Variants in MEI1 observed in about 807,000 individuals in gnomAD.
The protein encoded by MEI1 is meiosis inhibitor protein 1.
Under a neutral mutation model 146.2 loss-of-function variants are expected in MEI1, and 103 were observed. The observed-to-expected ratio is 0.70, with a 90% CI of 0.60 to 0.83. The LOEUF (loss-of-function observed/expected upper bound fraction) is 0.83. Among genes scored for constraint, MEI1 ranks in the 40% least tolerant of loss-of-function variants. The pLI, the probability that MEI1 is intolerant of heterozygous loss-of-function variation, is 0.00. For missense variants in MEI1, 1,529 were observed against 1,533.0 expected (o/e 1.00, Z 0.04); for synonymous variants, 652 against 628.2 (o/e 1.04, Z -0.57).
At chr22:41,787,893 G>C (rs1335729447) in intron 26 of MEI1, among the ~76,000 whole-genome samples, 1 of 152,186 alleles carries the variant, frequency 6.6e-6, no homozygotes, top group Admixed American at 6.5e-5. Context: ...TAGCAGTTGA[G>C]CATTCCTAAT....
At chr22:41,762,343 A>T in intron 18 of MEI1, among the ~76,000 whole-genome samples, 1 of 103,596 alleles carries the variant, frequency 9.7e-6, no homozygotes, top group South Asian at 3.1e-4. Context: ...CCCCTCCCCT[A>T]CTCTACCCTC....
rs770068600 is a variant in MEI1 at position 41,781,407 on chromosome 22, G to A, written c.2926+13G>A. Reference sequence around the variant, plus strand: ...AGTCAGAAAAGAGGTGCAGGGGCCCGGGCTGGGACAGTGAAGAGTGCTGGG... The same window carrying A: ...AGTCAGAAAAGAGGTGCAGGGGCCCAGGCTGGGACAGTGAAGAGTGCTGGG... On this transcript the variant is annotated intron_variant, in intron 23 of 30. Transcript: ENST00000401548. The A allele has an allele frequency of 4.0e-5, 64 of 1,594,896 alleles. 1 individual carries two copies. The East Asian group carries it at 4.3e-4, about 11-fold the overall frequency.
chr22:41,799,322 A>C lies in MEI1; in HGVS notation c.*23A>C. On this transcript the variant is annotated 3_prime_UTR_variant, in exon 31 of 31. Transcript: ENST00000401548. Reference sequence around the variant, plus strand: ...TGATCCTCAGGACTTGAAGGCCCAGAAGTGGAGAGAGAATGAGACCTGGAG... The same window carrying C: ...TGATCCTCAGGACTTGAAGGCCCAGCAGTGGAGAGAGAATGAGACCTGGAG... 1 of 1,612,268 alleles carries C rather than the reference A, an allele frequency of 6.2e-7. No homozygotes were observed. The highest frequency in any genetic ancestry group is 8.5e-7 in the Non-Finnish European group (1 of 1,178,578).
At chr22:41,716,641 G>T (rs900649495) in intron 5 of MEI1, among the ~76,000 whole-genome samples, 1 of 148,904 alleles carries the variant, frequency 6.7e-6, no homozygotes, top group African/African-American at 2.5e-5. Flanking sequence ...CTCCCAAAGT[G>T]CTGGGATTAC....
chr22:41,719,921 T>G (rs916674296), intron 6 of MEI1, among the ~76,000 whole-genome samples: 3 of 152,148 alleles, frequency 2.0e-5, no homozygotes, highest in Non-Finnish European at 2.9e-5. Flanking sequence ...GACAGCAGCT[T>G]CTTTTCAAAA....
chr22:41,713,585 G>C (rs914206724), intron 3 of MEI1, among the ~76,000 whole-genome samples: 3 of 151,544 alleles, frequency 2.0e-5, no homozygotes, highest in Admixed American at 6.6e-5. Flanking sequence ...TTTTGCTCTC[G>C]TTGCCCATGC....
intron 15 of MEI1, 88 bp downstream of exon 15, chr22:41,748,306 G>A (rs1393079050): frequency 1.2e-6 from 1 of 852,572 alleles, no homozygotes; most frequent in Non-Finnish European, 2.0e-6. Flanking sequence ...ATAAGTTGTG[G>A]GTGCACATTT....
rs372766385 is a variant in MEI1 at position 41,740,040 on chromosome 22, G to C, written c.1332-3040G>C. ...ATTTTACTTTTTTTTTGGTGGGGGG[G>C]GTGGAGTCTCGCTCTGTTGCTCAGG... On this transcript the variant is annotated intron_variant, in intron 11 of 30. Transcript: ENST00000401548. Among the ~76,000 whole-genome samples, 3 of 151,614 alleles carry C rather than the reference G, an allele frequency of 2.0e-5. No homozygotes were observed. The Admixed American group carries it at 2.0e-4, about 10-fold the overall frequency.
At chr22:41,702,507 C>T (rs773942244) in intron 1 of MEI1, among the ~76,000 whole-genome samples, 1 of 150,648 alleles carries the variant, frequency 6.6e-6, no homozygotes, top group Non-Finnish European at 1.5e-5. Context: ...AGTGCAATGG[C>T]GCGATCTTGG....
At chr22:41,781,966 A>AC in intron 24 of MEI1, 121 bp downstream of exon 24, 1 of 1,090,562 alleles carries the variant, frequency 9.2e-7, no homozygotes, top group Non-Finnish European at 1.3e-6. Flanking sequence ...CAAGGTATTT[A>AC]CCCTTTCTGA....
intron 16 of MEI1, 122 bp from the exon 17 acceptor site, chr22:41,753,827 T>A (rs2073928203): frequency 2.7e-6 from 2 of 735,908 alleles, no homozygotes; most frequent in South Asian, 3.2e-5. Context: ...GCCACGGCCA[T>A]GGCTAGAATT....
At chr22:41,763,100 CG>C in intron 18 of MEI1, 73 bp from the exon 19 acceptor site, 1 of 1,535,102 alleles carries the variant, frequency 6.5e-7, no homozygotes, top group Non-Finnish European at 8.8e-7. Flanking sequence ...AGGAAGGATG[CG>C]GCCAGGCAGA....
intron 20 of MEI1, among the ~76,000 whole-genome samples, 178 bp downstream of exon 20, chr22:41,771,139 G>A (rs2075159691): frequency 6.6e-6 from 1 of 152,156 alleles, no homozygotes; most frequent in South Asian, 2.1e-4. Context: ...CCTAGTTTCT[G>A]TAAATCCATA....
At chr22:41,756,723 C>T (rs1464238930) in intron 17 of MEI1, among the ~76,000 whole-genome samples, 1 of 152,252 alleles carries the variant, frequency 6.6e-6, no homozygotes, top group African/African-American at 2.4e-5. Context: ...ATCCACCTGC[C>T]TTGGTTTCCC....
intron 1 of MEI1, among the ~76,000 whole-genome samples, chr22:41,701,598 C>T (rs1458535952): frequency 1.3e-5 from 2 of 152,168 alleles, no homozygotes; most frequent in East Asian, 3.8e-4. Context: ...CTAATAACCT[C>T]TGAATTTTCA....
chr22:41,777,964 C>T (rs1217730000), intron 21 of MEI1, among the ~76,000 whole-genome samples: 2 of 151,126 alleles, frequency 1.3e-5, no homozygotes, highest in Non-Finnish European at 3.0e-5. Context: ...TTCCTCTTTT[C>T]CTCCTCTTTC....
intron 26 of MEI1, among the ~76,000 whole-genome samples, chr22:41,786,665 C>T (rs1359632022): frequency 2.0e-5 from 3 of 152,160 alleles, no homozygotes; most frequent in Admixed American, 2.0e-4. Context: ...CATGGGATGC[C>T]CTGATTGGCC....
At chr22:41,768,315 G>T (rs546982349) in intron 19 of MEI1, among the ~76,000 whole-genome samples, 1 of 151,902 alleles carries the variant, frequency 6.6e-6, no homozygotes, top group Non-Finnish European at 1.5e-5. Flanking sequence ...CCTGGAGGCG[G>T]AGGTTGCAGT....
Position 41,732,568 on chromosome 22 carries a change from T to G in MEI1, c.1296T>G (p.Ala432=), listed in dbSNP as rs2071960522. 1 of 1,613,588 alleles carries G rather than the reference T, an allele frequency of 6.2e-7. No individual in the cohort carries two copies. Among genetic ancestry groups the G allele is most frequent in the Admixed American group, 1.7e-5 (1 of 59,986 alleles). Residue 432 remains alanine, a synonymous_variant, in exon 11 of 31, where the codon GCT becomes GCG. Transcript: ENST00000401548. The part of the protein sequence containing the change: ...EAVSSPVLEV[A]AEALKATSAF... ...TTAGCAGCCCTGTGCTGGAGGTGGC[T>G]GCTGAGGCCTTGAAGGCCACTTCTG...
Sources: gnomAD v4.1 joint callset for allele counts (sites outside exome capture counted in the v4.1 genomes callset) on GRCh38, gnomAD v4.1.1 for gene constraint, MANE v1.5 for transcripts, NCBI Gene and HGNC (gene_info 2026-07-23, HGNC 2026-07-21) for gene names.